SPAG17: variants seen among roughly 807,000 people sequenced by gnomAD.
SPAG17 encodes sperm-associated antigen 17.
Under a neutral mutation model 273.6 loss-of-function variants are expected in SPAG17, and 169 were observed. The ratio of observed to expected loss-of-function variants is 0.62; its 90% CI spans 0.55 to 0.70. The LOEUF is 0.70. Among genes scored for constraint, SPAG17 ranks in the 30% least tolerant of loss-of-function variants. The pLI is 0.00. For synonymous variants in SPAG17, 825 were observed against 873.2 expected (o/e 0.94, Z 0.97); for missense variants, 2,557 against 2,627.8 (o/e 0.97, Z 0.59).
intron 15 of SPAG17, among the ~76,000 whole-genome samples, chr1:118,077,631 G>A (rs1458249056): frequency 6.6e-6 from 1 of 152,070 alleles, no homozygotes; most frequent in African/African-American, 2.4e-5. Context: ...TGACTTCCCT[G>A]TCATTCATTT....
At chr1:117,997,740 A>T (rs554505626) in intron 32 of SPAG17, among the ~76,000 whole-genome samples, 1 of 152,294 alleles carries the variant, frequency 6.6e-6, no homozygotes, top group South Asian at 2.1e-4. Context: ...CACAGACAGT[A>T]TGTAAACAAA....
intron 17 of SPAG17, among the ~76,000 whole-genome samples, chr1:118,067,153 G>C (rs774691602): frequency 5.3e-5 from 8 of 152,158 alleles, no homozygotes; most frequent in Non-Finnish European, 1.5e-5. Context: ...CTTGCTACAA[G>C]TGTTCTTCAT....
intron 20 of SPAG17, among the ~76,000 whole-genome samples, chr1:118,043,337 C>G (rs116276381): frequency 2.6e-5 from 4 of 152,074 alleles, no homozygotes; most frequent in Non-Finnish European, 4.4e-5. Context: ...GTGTATCGGA[C>G]CTAGCTCACA....
At chr1:118,179,668 G>A (rs1660851431) in intron 1 of SPAG17, among the ~76,000 whole-genome samples, 1 of 151,990 alleles carries the variant, frequency 6.6e-6, no homozygotes, top group East Asian at 1.9e-4. Flanking sequence ...CATGGAGTGG[G>A]AGAAGATATT....
intron 32 of SPAG17, among the ~76,000 whole-genome samples, chr1:117,999,232 A>G (rs780957924): frequency 1.3e-4 from 19 of 151,998 alleles, no homozygotes; most frequent in Non-Finnish European, 2.6e-4. Flanking sequence ...TCTATCATTG[A>G]TGGATATTTG....
chr1:118,091,741 T>C (rs373030151), intron 9 of SPAG17, 23 bp from the exon 10 acceptor site: 7 of 1,480,776 alleles, frequency 4.7e-6, no homozygotes, highest in African/African-American at 4.2e-5. Context: ...GAAAATACCA[T>C]TGCCCAATTA....
chr1:118,129,825 C>T (rs1403085782), intron 3 of SPAG17, among the ~76,000 whole-genome samples: 2 of 151,406 alleles, frequency 1.3e-5, no homozygotes, highest in Non-Finnish European at 2.9e-5. Flanking sequence ...CCTCCTCCTC[C>T]TCTTCCTCTT....
At chr1:118,006,589 C>T (rs540559741) in intron 31 of SPAG17, among the ~76,000 whole-genome samples, 3 of 152,152 alleles carry the variant, frequency 2.0e-5, no homozygotes, top group Non-Finnish European at 4.4e-5. Flanking sequence ...TATGTTTTCT[C>T]TTGGATATAT....
intron 1 of SPAG17, among the ~76,000 whole-genome samples, chr1:118,157,458 T>C (rs1474646228): frequency 6.6e-6 from 1 of 152,154 alleles, no homozygotes; most frequent in Admixed American, 6.6e-5. Context: ...AAGGCAAGTA[T>C]AGAGACCACT....
At chr1:118,024,533 T>G (rs757123011) in intron 27 of SPAG17, among the ~76,000 whole-genome samples, 2 of 152,170 alleles carry the variant, frequency 1.3e-5, no homozygotes, top group Admixed American at 6.5e-5. Context: ...CTTTCCAAGA[T>G]TTATGATTCT....
chr1:118,110,186 T>A (rs1656676867), intron 4 of SPAG17, among the ~76,000 whole-genome samples: 3 of 152,112 alleles, frequency 2.0e-5, no homozygotes, highest in African/African-American at 7.2e-5. Flanking sequence ...AAATGCTCAA[T>A]GATAGAGAAA....
intron 4 of SPAG17, among the ~76,000 whole-genome samples, chr1:118,103,812 T>A (rs992978953): frequency 3.5e-5 from 5 of 142,544 alleles, no homozygotes; most frequent in Non-Finnish European, 6.1e-5. Context: ...AAGGCAAGAG[T>A]CATACACATG....
rs150380246 is a variant in SPAG17 at position 117,983,261 on chromosome 1, C to T, written c.5872+550G>A. Reference sequence around the variant, plus strand: ...TATCACGAGAACAGCACGGGAAAGACCTGCCCCCATGATTCAATTACCTCC... The same window carrying T: ...TATCACGAGAACAGCACGGGAAAGATCTGCCCCCATGATTCAATTACCTCC... On this transcript the variant is annotated intron_variant, in intron 42 of 48. Transcript: ENST00000336338. Among the ~76,000 whole-genome samples the T allele has an allele frequency of 1.2e-3, 180 of 152,276 alleles. 1 individual carries two copies. The highest frequency in any genetic ancestry group is 4.0e-3 in the African/African-American group (168 of 41,542).
chr1:118,182,598 C>G (rs1323473626), intron 1 of SPAG17, among the ~76,000 whole-genome samples: 1 of 152,094 alleles, frequency 6.6e-6, no homozygotes, highest in African/African-American at 2.4e-5. Flanking sequence ...ATATGGATAG[C>G]AAAGATAGTA....
At chr1:117,955,152 A>T (rs954546058) in intron 48 of SPAG17, 2 of 551,104 alleles carry the variant, frequency 3.6e-6, no homozygotes, top group Non-Finnish European at 6.3e-6. Flanking sequence ...TCAGTTGTCA[A>T]CCCAGATCTG....
At chr1:118,036,743 T>C in intron 24 of SPAG17, 27 bp downstream of exon 24, 3 of 1,489,512 alleles carry the variant, frequency 2.0e-6, no homozygotes, top group Non-Finnish European at 1.8e-6. Flanking sequence ...TGGGGCACAC[T>C]TATCCTTGCT....
At chr1:118,175,807 C>T (rs1165383495) in intron 1 of SPAG17, among the ~76,000 whole-genome samples, 1 of 152,038 alleles carries the variant, frequency 6.6e-6, no homozygotes, top group Non-Finnish European at 1.5e-5. Context: ...AAATTAAGTG[C>T]ACAAACAAAC....
intron 28 of SPAG17, among the ~76,000 whole-genome samples, chr1:118,017,079 G>A (rs1018065187): frequency 2.0e-5 from 3 of 152,162 alleles, no homozygotes; most frequent in African/African-American, 4.8e-5. Context: ...AACTGATAGG[G>A]ACTCAACTAA....
intron 8 of SPAG17, 147 bp from the exon 9 acceptor site, chr1:118,092,149 A>C: frequency 1.4e-6 from 1 of 700,742 alleles, no homozygotes; most frequent in Non-Finnish European, 2.4e-6. Flanking sequence ...ATTAGAACCA[A>C]AGGAAAAGAG....
Sources: gnomAD v4.1 joint callset for allele counts (sites outside exome capture counted in the v4.1 genomes callset) on GRCh38, gnomAD v4.1.1 for gene constraint, MANE v1.5 for transcripts, NCBI Gene and HGNC (gene_info 2026-07-23, HGNC 2026-07-21) for gene names.